The following PCCB variants were observed in gnomAD, a reference collection of about 807,000 sequenced individuals.
PCCB encodes the protein propionyl-CoA carboxylase subunit beta.
In PCCB, 43 loss-of-function variants were observed where a neutral mutation model predicts 60.7. The ratio of observed to expected loss-of-function variants is 0.71; its 90% CI spans 0.55 to 0.91. The LOEUF (loss-of-function observed/expected upper bound fraction) is 0.91, where lower values mean the gene tolerates loss of function less well. Among genes scored for constraint, PCCB ranks in the 40% least tolerant of loss-of-function variants. PCCB has a pLI of 0.00. For missense variants in PCCB, 766 were observed against 702.8 expected (o/e 1.09, Z -1.02); for synonymous variants, 276 against 255.9 (o/e 1.08, Z -0.75).
At chr3:136,264,874 C>CAAAA (rs1167305370) in intron 5 of PCCB, among the ~76,000 whole-genome samples, 20 of 76,414 alleles carry the variant, frequency 2.6e-4, no homozygotes, top group East Asian at 3.5e-4. Flanking sequence ...GACTCCGTCT[C>CAAAA]AAAAAAAAAA....
At chr3:136,264,895 A>AG (rs71624091) in intron 5 of PCCB, among the ~76,000 whole-genome samples, 1 of 143,554 alleles carries the variant, frequency 7.0e-6, no homozygotes, top group Admixed American at 7.1e-5. Flanking sequence ...AAAAAAAAAA[A>AG]GAGCTTAATG....
intron 1 of PCCB, among the ~76,000 whole-genome samples, chr3:136,253,107 T>TTTA (rs1383496877): frequency 6.9e-6 from 1 of 144,944 alleles, no homozygotes; most frequent in East Asian, 2.0e-4. Context: ...TTTTTTTTTT[T>TTTA]AAGATAGAGT....
rs561539546 is a variant in PCCB at position 136,250,538 on chromosome 3, A to G, written c.163A>G (p.Ile55Val). 2.7e-5 allele frequency: 44 copies of G among 1,612,652 alleles called. No homozygotes were observed. Among genetic ancestry groups the G allele is most frequent in the Admixed American group, 1.7e-4 (10 of 59,962 alleles). Residue 55 changes from isoleucine to valine, a missense_variant, in exon 1 of 15, where the codon ATT (isoleucine) becomes GTT (valine). By Grantham distance (29) the Ile-to-Val change is conservative (BLOSUM62 3). Coordinates refer to ENST00000251654, the MANE Select transcript of PCCB (RefSeq NM_000532.5). ...GCTGCTGGGAGGGGGCCAACGCCGT[A>G]TTGACGCGCAGCACAAGCGAGTGAG... ...TALLGGGQRRIDAQHKRGKLT... is the reference protein window; with the variant it reads ...TALLGGGQRRVDAQHKRGKLT...
intron 13 of PCCB, 115 bp from the exon 14 acceptor site, chr3:136,328,643 C>T: frequency 1.2e-6 from 1 of 800,516 alleles, no homozygotes; most frequent in Non-Finnish European, 2.2e-6. Flanking sequence ...ATGGCACTTC[C>T]CCTCAGTACA....
At position 136,327,508 on chromosome 3, in the gene PCCB, G is replaced by A. The variant is rs547729335; in HGVS notation, c.1300-126G>A. On this transcript the variant is annotated intron_variant, in intron 12 of 14. Transcript: ENST00000251654. ...ACTTTGAAAGGTCTTACAGACCGTG[G>A]GCCTTCAGGAGCCCAGTAGGGCTAT... 128 of 792,570 alleles carry A rather than the reference G, an allele frequency of 1.6e-4. 1 individual carries two copies. The African/African-American group carries it at 1.6e-3, about 10-fold the overall frequency. 49.1% of individuals were successfully genotyped at this position (792,570 alleles called of 1,614,324 possible).
chr3:136,256,233 G>A (rs1018415873), intron 2 of PCCB: 25 of 569,288 alleles, frequency 4.4e-5, no homozygotes, highest in South Asian at 2.4e-4. Flanking sequence ...GTGAGCGACC[G>A]TACCCTGCCT....
In PCCB at chr3:136,268,099, T is replaced by TATATATAC. The variant is rs1553775755; in HGVS notation, c.543+6041_543+6042insCATATATA. ...GTGTGTGTGTGTAGATATATATATATATATATATATATATATATATATGTA... is the reference window on the plus strand; with the variant it reads ...GTGTGTGTGTGTAGATATATATATATATATATACATATATATATATATATATATATGTA... On this transcript the variant is annotated intron_variant, in intron 5 of 14. Coordinates refer to ENST00000251654, the MANE Select transcript of PCCB (RefSeq NM_000532.5). Among the ~76,000 whole-genome samples the TATATATAC allele has an allele frequency of 9.7e-5, 11 of 113,626 alleles. No homozygotes were observed. The East Asian group carries it at 2.4e-3, about 25-fold the overall frequency. 74.5% of individuals were successfully genotyped at this position (113,626 alleles called of 152,430 possible).
In PCCB at chr3:136,316,184, C is replaced by T. The variant is rs145898594; in HGVS notation, c.967-757C>T. Among the ~76,000 whole-genome samples the T allele has an allele frequency of 6.4e-3, 961 of 149,090 alleles. 10 individuals are homozygous for T. The highest frequency in any genetic ancestry group is 0.023 in the African/African-American group (933 of 40,358). ...GCAGTGAGCCATAATTGCACCACTG[C>T]ATTCCAGCCTGGGTGACAGAGGGAG... is the stretch of plus-strand genomic sequence containing the variant. On this transcript the variant is annotated intron_variant, in intron 9 of 14. Coordinates refer to ENST00000251654, the MANE Select transcript of PCCB (RefSeq NM_000532.5).
intron 5 of PCCB, among the ~76,000 whole-genome samples, chr3:136,277,780 A>G (rs967755838): frequency 6.6e-6 from 1 of 152,132 alleles, no homozygotes; most frequent in East Asian, 1.9e-4. Flanking sequence ...TGCTAGCTGC[A>G]CTGGGCTAAG....
intron 6 of PCCB, among the ~76,000 whole-genome samples, chr3:136,289,681 TC>T (rs1933586565): frequency 6.6e-6 from 1 of 152,174 alleles, no homozygotes; most frequent in Non-Finnish European, 1.5e-5. Flanking sequence ...GTTACTGTTT[TC>T]TTTTTGTTGT....
chr3:136,267,251 A>G (rs552716531), intron 5 of PCCB, among the ~76,000 whole-genome samples: 181 of 152,262 alleles, frequency 1.2e-3, no homozygotes, highest in African/African-American at 3.9e-3. Context: ...CGTTAGTGCA[A>G]TCACAGCTCA....
chr3:136,287,455 A>G (rs1056568768), intron 6 of PCCB, among the ~76,000 whole-genome samples: 1 of 151,170 alleles, frequency 6.6e-6, no homozygotes, highest in African/African-American at 2.4e-5. Context: ...TTTTTGAGAC[A>G]GAGTTTTGCT....
intron 5 of PCCB, among the ~76,000 whole-genome samples, chr3:136,273,214 G>C (rs1372805572): frequency 6.6e-6 from 1 of 152,096 alleles, no homozygotes; most frequent in Non-Finnish European, 1.5e-5. Flanking sequence ...AATTTGTTGA[G>C]ACTTGTTTTG....
chr3:136,271,097 T>A (rs1455838393), intron 5 of PCCB, among the ~76,000 whole-genome samples: 1 of 152,220 alleles, frequency 6.6e-6, no homozygotes, highest in African/African-American at 2.4e-5. Context: ...GCTGATTACT[T>A]CTTTTGCTGT....
chr3:136,275,993 A>G (rs948613535), intron 5 of PCCB, among the ~76,000 whole-genome samples: 16 of 152,136 alleles, frequency 1.1e-4, no homozygotes, highest in African/African-American at 3.6e-4. Flanking sequence ...CTGGTCACAA[A>G]CTCCTGACCT....
At chr3:136,254,943 C>T (rs1263856443) in intron 1 of PCCB, among the ~76,000 whole-genome samples, 1 of 150,584 alleles carries the variant, frequency 6.6e-6, no homozygotes, top group African/African-American at 2.4e-5. Flanking sequence ...GGTGCACAAT[C>T]TCGGCTCACT....
At chr3:136,254,078 T>A (rs1015732822) in intron 1 of PCCB, among the ~76,000 whole-genome samples, 2 of 152,152 alleles carry the variant, frequency 1.3e-5, no homozygotes, top group African/African-American at 4.8e-5. Context: ...CCTCACCAGC[T>A]TTGGCTACTT....
intron 5 of PCCB, among the ~76,000 whole-genome samples, chr3:136,280,064 G>C (rs1560008789): frequency 6.6e-6 from 1 of 152,132 alleles, no homozygotes; most frequent in Admixed American, 6.6e-5. Context: ...AAATCACATA[G>C]GAAAAAGACA....
chr3:136,307,967 C>T (rs1013964448), intron 9 of PCCB, among the ~76,000 whole-genome samples: 2 of 143,130 alleles, frequency 1.4e-5, no homozygotes, highest in Non-Finnish European at 3.1e-5. Flanking sequence ...AAGAGTGAAA[C>T]TCCATCTCAA....
Sources: allele counts gnomAD v4.1 joint callset (sites outside exome capture counted in the v4.1 genomes callset), GRCh38; gene constraint gnomAD v4.1.1; transcripts MANE v1.5; gene names NCBI Gene and HGNC (gene_info 2026-07-23, HGNC 2026-07-21).